RBM47: variants seen among roughly 807,000 people sequenced by gnomAD.
RBM47 encodes RNA-binding protein 47.
RBM47 carries 21 observed loss-of-function variants against 47.1 expected under a neutral mutation model. The observed-to-expected ratio is 0.45, with a 90% CI of 0.32 to 0.64. The LOEUF (loss-of-function observed/expected upper bound fraction) is 0.64. Ranked by LOEUF, RBM47 falls within the 30% of genes least tolerant of loss-of-function variation. The pLI is 0.05. For synonymous variants in RBM47, 375 were observed against 361.7 expected (o/e 1.04, Z -0.42); for missense variants, 708 against 870.9 (o/e 0.81, Z 2.35).
At chr4:40,483,025 T>C (rs1337529381) in intron 2 of RBM47, among the ~76,000 whole-genome samples, 1 of 152,224 alleles carries the variant, frequency 6.6e-6, no homozygotes, top group East Asian at 1.9e-4. Flanking sequence ...TTAGCTGCGA[T>C]GGATCTATAA....
At chr4:40,577,981 T>TA (rs1477319453) in intron 1 of RBM47, among the ~76,000 whole-genome samples, 1 of 151,870 alleles carries the variant, frequency 6.6e-6, no homozygotes, top group East Asian at 1.9e-4. Context: ...CCTCTTCTCT[T>TA]AAAAAAAGAA....
At chr4:40,446,273 G>A (rs1329048674) in intron 3 of RBM47, among the ~76,000 whole-genome samples, 2 of 152,166 alleles carry the variant, frequency 1.3e-5, no homozygotes, top group Non-Finnish European at 2.9e-5. Flanking sequence ...GGGAAACTGA[G>A]GCACAGAGAG....
At chr4:40,497,286 C>T (rs982637088) in intron 2 of RBM47, among the ~76,000 whole-genome samples, 6 of 152,130 alleles carry the variant, frequency 3.9e-5, no homozygotes, top group African/African-American at 1.4e-4. Flanking sequence ...TCATATCCTT[C>T]TAATATCCTG....
chr4:40,531,449 T>C (rs1423285237), intron 2 of RBM47, among the ~76,000 whole-genome samples: 2 of 151,466 alleles, frequency 1.3e-5, no homozygotes, highest in Non-Finnish European at 2.9e-5. Context: ...TTGGGTTGGG[T>C]GTGGTTGGAG....
intron 3 of RBM47, among the ~76,000 whole-genome samples, chr4:40,451,325 C>G (rs1715412049): frequency 6.6e-6 from 1 of 151,678 alleles, no homozygotes. Flanking sequence ...AATTTTCAGA[C>G]AAAACAACAG....
intron 2 of RBM47, among the ~76,000 whole-genome samples, chr4:40,485,684 G>C (rs994680827): frequency 1.3e-5 from 2 of 152,134 alleles, no homozygotes; most frequent in Admixed American, 6.5e-5. Flanking sequence ...AAATGGTAGT[G>C]TCAGTCATGA....
intron 2 of RBM47, among the ~76,000 whole-genome samples, chr4:40,507,308 G>GA (rs1158697186): frequency 6.6e-6 from 1 of 151,394 alleles, no homozygotes; most frequent in Admixed American, 6.6e-5. Context: ...TGACTCCCAG[G>GA]AAACTTCTCA....
intron 2 of RBM47, among the ~76,000 whole-genome samples, chr4:40,532,638 CT>C (rs572505655): frequency 3.0e-4 from 43 of 143,918 alleles, no homozygotes; most frequent in African/African-American, 8.3e-4. Context: ...ATTCTTTTTC[CT>C]TTTTTTTTTC....
chr4:40,447,783 G>A (rs542731890), intron 3 of RBM47, among the ~76,000 whole-genome samples: 53 of 152,296 alleles, frequency 3.5e-4, no homozygotes, highest in Non-Finnish European at 6.9e-4. Context: ...GGCTGAGGCG[G>A]GTGGATCACA....
rs544382640 is a variant in RBM47 at position 40,439,122 on chromosome 4, A to T, written c.-31-198T>A. 1.0e-3 allele frequency among the ~76,000 whole-genome samples: 154 copies of T among 152,174 alleles called. 1 individual carries two copies. In the Middle Eastern group the frequency reaches 0.01, roughly 10 times the overall value. On this transcript the variant is annotated intron_variant, in intron 3 of 6. Transcript: ENST00000295971. ...ATAGTCAAGTTGTCTTGCAGCAAAA[A>T]CCAGAAGTGAGTTAGGAGAGAAAAA...
intron 3 of RBM47, among the ~76,000 whole-genome samples, chr4:40,452,823 T>G (rs1157375935): frequency 6.7e-6 from 1 of 149,456 alleles, no homozygotes; most frequent in Non-Finnish European, 1.5e-5. Context: ...AATAATTAAA[T>G]GGACTGTGAT....
chr4:40,514,331 A>G (rs1394316076), intron 2 of RBM47, among the ~76,000 whole-genome samples: 4 of 152,166 alleles, frequency 2.6e-5, no homozygotes, highest in Non-Finnish European at 5.9e-5. Context: ...CAAAAACAGC[A>G]TTTGATGGAA....
rs886212669 is a variant in RBM47, at chr4:40,607,427, C to T, written c.-240+21969G>A. Among the ~76,000 whole-genome samples, 8 of 152,194 alleles carry T rather than the reference C, an allele frequency of 5.3e-5. No homozygotes were observed. The South Asian group carries it at 1.0e-3, about 20-fold the overall frequency. ...ATAATGAAAATATTCTGGAATAGGG[C>T]GGAGCATGGTGATTCATGCCTGTAA... On this transcript the variant is annotated intron_variant, in intron 1 of 6. Transcript: ENST00000295971.
intron 2 of RBM47, among the ~76,000 whole-genome samples, chr4:40,512,129 A>G (rs1475940776): frequency 1.3e-5 from 2 of 152,170 alleles, no homozygotes; most frequent in East Asian, 3.9e-4. Flanking sequence ...TACTTTAGAA[A>G]GTGTGGTATT....
chr4:40,610,503 A>T lies in RBM47; in HGVS notation c.-240+18893T>A, dbSNP rs529377366. Among the ~76,000 whole-genome samples the T allele has an allele frequency of 1.3e-4, 20 of 150,798 alleles. 1 individual carries two copies. Among genetic ancestry groups the T allele is most frequent in the Middle Eastern group, 6.9e-3 (2 of 290 alleles). ...CGGGTGCCTGTAGTCCCAGCTACTC[A>T]GGAGGCTGAGGCCAGCAAATGGCGT... is the stretch of plus-strand genomic sequence containing the variant. On this transcript the variant is annotated intron_variant, in intron 1 of 6. Transcript: ENST00000295971.
intron 3 of RBM47, among the ~76,000 whole-genome samples, chr4:40,449,120 G>T (rs188250877): frequency 6.6e-6 from 1 of 152,286 alleles, no homozygotes; most frequent in African/African-American, 2.4e-5. Flanking sequence ...GTTTGAAAGT[G>T]GAAAAGGAGT....
At chr4:40,564,252 G>A (rs949403010) in intron 1 of RBM47, among the ~76,000 whole-genome samples, 4 of 152,108 alleles carry the variant, frequency 2.6e-5, no homozygotes, top group Non-Finnish European at 5.9e-5. Flanking sequence ...TCTACCACAC[G>A]TTCTCCTCTG....
In RBM47 at chr4:40,506,526, C is replaced by G. The variant is rs552143749; in HGVS notation, c.-155+37896G>C. Among the ~76,000 whole-genome samples, 33 of 152,328 alleles carry G rather than the reference C, an allele frequency of 2.2e-4. No homozygotes were observed. In the South Asian group the frequency reaches 6.8e-3, roughly 32 times the overall value. On this transcript the variant is annotated intron_variant, in intron 2 of 6. Coordinates refer to ENST00000295971, the MANE Select transcript of RBM47 (RefSeq NM_001098634.2). ...GGTAAAAGTTCTATACAGAGAAAGC[C>G]ACTGCACTGGGAAGGGCAGAGGGCT...
intron 2 of RBM47, among the ~76,000 whole-genome samples, chr4:40,530,328 G>T (rs1196851407): frequency 1.3e-5 from 2 of 151,450 alleles, no homozygotes; most frequent in Non-Finnish European, 2.9e-5. Context: ...TTTCGAGATG[G>T]AGTCTCGTTC....
Sources: gnomAD v4.1 joint callset for allele counts (sites outside exome capture counted in the v4.1 genomes callset) on GRCh38, gnomAD v4.1.1 for gene constraint, MANE v1.5 for transcripts, NCBI Gene and HGNC (gene_info 2026-07-23, HGNC 2026-07-21) for gene names.